The following ANO7 variants were observed in gnomAD, a reference collection of about 807,000 sequenced individuals.
ANO7 encodes the protein anoctamin 7.
A neutral mutation model predicts 115.8 loss-of-function variants in ANO7; 114 were observed. That is an observed-to-expected ratio of 0.98 (90% CI 0.85 to 1.15). ANO7 has a LOEUF of 1.15. Among genes scored for constraint, ANO7 ranks in the 50% most tolerant of loss-of-function variants. ANO7 has a pLI of 0.00. For missense variants in ANO7, 1,302 were observed against 1,201.2 expected (o/e 1.08, Z -1.24); for synonymous variants, 550 against 498.2 (o/e 1.10, Z -1.38).
chr2:241,216,478 C>T (rs2068831122), intron 19 of ANO7, among the ~76,000 whole-genome samples: 1 of 152,222 alleles, frequency 6.6e-6, no homozygotes, highest in Non-Finnish European at 1.5e-5. Flanking sequence ...GGGGAGGAGG[C>T]CCCCGCGGCC....
the ANO7 span, among the ~76,000 whole-genome samples, chr2:241,237,281 G>A: frequency 6.6e-6 from 1 of 152,194 alleles, no homozygotes; most frequent in South Asian, 2.1e-4. Context: ...ACCTGTGCCA[G>A]CTCCTTATGC....
At chr2:241,219,890 A>G (rs2068969543) in intron 21 of ANO7, among the ~76,000 whole-genome samples, 1 of 152,106 alleles carries the variant, frequency 6.6e-6, no homozygotes, top group African/African-American at 2.4e-5. Context: ...GTTCTAAACT[A>G]TATATTATCC....
At position 241,216,145 on chromosome 2, in the gene ANO7, G is replaced by A. The variant is rs770239303; in HGVS notation, c.1879G>A (p.Ala627Thr). 1 of 1,613,382 alleles carries A rather than the reference G, an allele frequency of 6.2e-7. No individual in the cohort carries two copies. The highest frequency in any genetic ancestry group is 2.2e-5 in the East Asian group (1 of 44,880). ...KFRLRSKKRK[A>T]GASAGASQGP... ...CCGGCTTCGCTCCAAGAAGAGGAAGGCGGGAGCTTCTGCAGGGGCTAGCCA... is the reference window on the plus strand; with the variant it reads ...CCGGCTTCGCTCCAAGAAGAGGAAGACGGGAGCTTCTGCAGGGGCTAGCCA... The change falls in exon 19 of 25, where the codon GCG becomes ACG. Residue 627 changes from alanine (A) to threonine (T), a missense_variant. Coordinates refer to ENST00000674324, the MANE Select transcript of ANO7 (RefSeq NM_001370694.2).
intron 3 of ANO7, 151 bp downstream of exon 3, chr2:241,191,402 C>T: frequency 1.1e-6 from 1 of 917,296 alleles, no homozygotes; most frequent in Non-Finnish European, 1.6e-6. Context: ...GGGTGAGGGC[C>T]TCGGGGTGAG....
At chr2:241,230,898 G>A (rs770732430), downstream of ANO7, 2 of 1,614,198 alleles carry the variant, frequency 1.2e-6, no homozygotes, top group Non-Finnish European at 8.5e-7. The surrounding 1 kb of genome is among the most constrained non-coding windows in gnomAD (Gnocchi z 5.0). Flanking sequence ...ATCCCTGGCA[G>A]CTTCTGTGTT....
chr2:241,210,880 G>C (rs2068706748), intron 15 of ANO7, among the ~76,000 whole-genome samples: 1 of 149,112 alleles, frequency 6.7e-6, no homozygotes, highest in African/African-American at 2.6e-5. Context: ...GTGTGGCTCA[G>C]GCTGGTCTCG....
intron 10 of ANO7, 134 bp downstream of exon 10, chr2:241,205,089 A>G: frequency 1.4e-6 from 1 of 711,556 alleles, no homozygotes; most frequent in East Asian, 2.6e-5. Context: ...AGGTGAGCAC[A>G]TGCCTGTCTT....
rs112987741 is a variant in ANO7 at position 241,223,861 on chromosome 2, T to C, written c.2533-44T>C. 2,182 of 1,613,538 alleles carry C rather than the reference T, an allele frequency of 1.4e-3. 25 individuals carry two copies. In the African/African-American group the frequency reaches 0.025, roughly 19 times the overall value. On this transcript the variant is annotated intron_variant, in intron 23 of 24. Coordinates refer to ENST00000674324, the MANE Select transcript of ANO7 (RefSeq NM_001370694.2). ...CAGTGGCTGCTCTACCTCCGGACAC[T>C]GAGTCACATCCCTCTTCCTCTTGCT...
At position 241,188,680 on chromosome 2, in the gene ANO7, G is replaced by C; in HGVS notation, c.-94G>C. ...CCCTCCCCACCCTCTGTCCCGCAGT[G>C]AGGACGGGACTCTACTGCCGAGACC... is the stretch of plus-strand genomic sequence containing the variant. On this transcript the variant is annotated 5_prime_UTR_variant, in exon 1 of 25. Transcript: ENST00000674324. The surrounding 1 kb of genome is among the most constrained non-coding windows in gnomAD (Gnocchi z 4.3). The C allele has an allele frequency of 6.2e-7, 1 of 1,613,416 alleles. No homozygotes were observed. The highest frequency in any genetic ancestry group is 8.5e-7 in the Non-Finnish European group (1 of 1,179,924).
chr2:241,207,628 C>T lies in ANO7; in HGVS notation c.1035C>T (p.Asp345=). Residue 345 remains aspartate, a synonymous_variant, in exon 11 of 25, where the codon GAC becomes GAT. Coordinates refer to ENST00000674324, the MANE Select transcript of ANO7 (RefSeq NM_001370694.2). ...DSFEMCPLCL[D]CPFWLLSSAC... ...TCGAGATGTGCCCACTTTGCCTCGA[C>T]TGCCCTTTCTGGCTGCTCTCCAGCG... 1 of 1,613,948 alleles carries T rather than the reference C, an allele frequency of 6.2e-7. No homozygotes were observed. The highest frequency in any genetic ancestry group is 2.2e-5 in the East Asian group (1 of 44,874).
At chr2:241,194,072 G>T (rs190197473) in intron 3 of ANO7, among the ~76,000 whole-genome samples, 9 of 151,718 alleles carry the variant, frequency 5.9e-5, no homozygotes, top group South Asian at 2.1e-4. Flanking sequence ...ACAGGGTTTC[G>T]CCATGTTGGC....
At chr2:241,191,047 C>G (rs997563993) in intron 2 of ANO7, 147 bp from the exon 3 acceptor site, 9 of 910,644 alleles carry the variant, frequency 9.9e-6, no homozygotes, top group South Asian at 6.0e-5. Flanking sequence ...ACCCACCCGC[C>G]GAACATTCTT....
downstream of ANO7, chr2:241,230,880 A>G (rs771960300): frequency 1.2e-6 from 2 of 1,613,836 alleles, no homozygotes; most frequent in Admixed American, 1.7e-5. This position sits in a 1 kb window ranked among gnomAD's most constrained non-coding sequence, Gnocchi z 5.0. Context: ...CACAATTCTC[A>G]GTATAGCATC....
chr2:241,226,819 C>T (rs1254794960), downstream of ANO7, among the ~76,000 whole-genome samples: 2 of 152,198 alleles, frequency 1.3e-5, no homozygotes, highest in Non-Finnish European at 2.9e-5. Context: ...CTTGACTCTT[C>T]CCGTTATCTC....
chr2:241,203,963 C>T lies in ANO7; in HGVS notation c.889+465C>T, dbSNP rs1321652801. ...CACTCAGCTCTTGGCACCCTCCCTTCCCCATCCTGGGTCAGACCCAACCCC... is the reference window on the plus strand; with the variant it reads ...CACTCAGCTCTTGGCACCCTCCCTTTCCCATCCTGGGTCAGACCCAACCCC... On this transcript the variant is annotated intron_variant, in intron 9 of 24. Coordinates refer to ENST00000674324, the MANE Select transcript of ANO7 (RefSeq NM_001370694.2). This position sits in a 1 kb window ranked among gnomAD's most constrained non-coding sequence, Gnocchi z 4.8. 6.6e-6 allele frequency among the ~76,000 whole-genome samples: 1 copy of T among 152,200 alleles called. No homozygotes were observed. Among genetic ancestry groups the T allele is most frequent in the African/African-American group, 2.4e-5 (1 of 41,452 alleles).
chr2:241,233,325 T>C, the ANO7 span, among the ~76,000 whole-genome samples: 47 of 152,134 alleles, frequency 3.1e-4, no homozygotes, highest in East Asian at 7.0e-3. This position sits in a 1 kb window ranked among gnomAD's most constrained non-coding sequence, Gnocchi z 4.3. Context: ...CAGGAGGCCA[T>C]GAGGGCCAGT....
chr2:241,220,259 G>A (rs73114177), intron 21 of ANO7, among the ~76,000 whole-genome samples: 1,654 of 152,174 alleles, frequency 0.011, 23 homozygotes, highest in African/African-American at 0.036. Flanking sequence ...TATGTATCAC[G>A]CATATGTATG....
chr2:241,229,499 A>C, downstream of ANO7: 2 of 843,636 alleles, frequency 2.4e-6, no homozygotes, highest in Non-Finnish European at 1.9e-6. Context: ...GAAGAGCGTC[A>C]ACAATTTACG....
At chr2:241,195,560 G>A (rs1022603893) in intron 3 of ANO7, 143 bp from the exon 4 acceptor site, 1 of 759,290 alleles carries the variant, frequency 1.3e-6, no homozygotes, top group Admixed American at 2.4e-5. Context: ...GCTGGGACCA[G>A]AGAGGGGATC....
Sources: allele counts gnomAD v4.1 joint callset (sites outside exome capture counted in the v4.1 genomes callset), GRCh38; gene constraint gnomAD v4.1.1; non-coding constraint Gnocchi (gnomAD v3.1); transcripts MANE v1.5; gene names NCBI Gene and HGNC (gene_info 2026-07-23, HGNC 2026-07-21).